Variants in C9orf40 observed in about 807,000 individuals in gnomAD.
C9orf40 encodes uncharacterized protein C9orf40.
C9orf40 carries 2 observed loss-of-function variants against 7.9 expected under a neutral mutation model. The ratio of observed to expected loss-of-function variants is 0.25; its 90% CI spans 0.10 to 0.80. C9orf40 has a LOEUF of 0.80. C9orf40 is among the 30% of genes least tolerant of loss of function. C9orf40 has a pLI of 0.68. For missense variants in C9orf40, 256 were observed against 268.5 expected (o/e 0.95, Z 0.33); for synonymous variants, 113 against 117.6 (o/e 0.96, Z 0.25).
At chr9:74,950,487 T>A (rs1832284197) in intron 1 of C9orf40, among the ~76,000 whole-genome samples, 2 of 152,100 alleles carry the variant, frequency 1.3e-5, no homozygotes, top group South Asian at 4.1e-4. Flanking sequence ...CCATATCCAT[T>A]ATGGATGGAT....
chr9:74,949,515 C>T (rs1366107914), intron 1 of C9orf40, among the ~76,000 whole-genome samples: 1 of 152,104 alleles, frequency 6.6e-6, no homozygotes, highest in Admixed American at 6.5e-5. Context: ...ACAGGAAATA[C>T]CCTGAAGTTC....
intron 1 of C9orf40, among the ~76,000 whole-genome samples, chr9:74,951,787 C>A (rs1279334169): frequency 1.3e-5 from 2 of 152,228 alleles, no homozygotes; most frequent in Admixed American, 6.5e-5. Context: ...CTAGACTAAT[C>A]ATCGTTAAAC....
chr9:74,946,776 C>T lies in C9orf40; in HGVS notation c.*1272G>A, dbSNP rs1265678673. On this transcript the variant is annotated 3_prime_UTR_variant, in exon 2 of 2. Coordinates refer to ENST00000376854, the MANE Select transcript of C9orf40 (RefSeq NM_017998.3). Reference sequence around the variant, plus strand: ...ATTAATGTCAACCCATTCTTAAATCCTTCATTACACAAAAAAAATCAAGTT... The same window carrying T: ...ATTAATGTCAACCCATTCTTAAATCTTTCATTACACAAAAAAAATCAAGTT... The T allele has an allele frequency of 6.6e-6, 1 of 152,026 alleles. No individual in the cohort carries two copies. Among genetic ancestry groups the T allele is most frequent in the Non-Finnish European group, 1.5e-5 (1 of 67,978 alleles). 9.4% of individuals were successfully genotyped at this position (152,026 alleles called of 1,614,324 possible).
In C9orf40 at chr9:74,947,014, T is replaced by G. The variant is rs1377606503; in HGVS notation, c.*1034A>C. ...AATGAAATAGTAATAACACAATAATTCAGTTGTAACAAAGCCACCAACAGA... is the reference window on the plus strand; with the variant it reads ...AATGAAATAGTAATAACACAATAATGCAGTTGTAACAAAGCCACCAACAGA... On this transcript the variant is annotated 3_prime_UTR_variant, in exon 2 of 2. Transcript: ENST00000376854. 3 of 152,168 alleles carry G rather than the reference T, an allele frequency of 2.0e-5. No homozygotes were observed. The highest frequency in any genetic ancestry group is 6.5e-5 in the Admixed American group (1 of 15,276). 9.4% of individuals were successfully genotyped at this position (152,168 alleles called of 1,614,324 possible).
At chr9:74,949,146 A>G (rs1315871274) in intron 1 of C9orf40, among the ~76,000 whole-genome samples, 1 of 152,210 alleles carries the variant, frequency 6.6e-6, no homozygotes, top group Admixed American at 6.5e-5. Context: ...TTGGCATAGT[A>G]ATTGCTCAAT....
chr9:74,948,316 T>G, intron 1 of C9orf40, 110 bp from the exon 2 acceptor site: 1 of 651,024 alleles, frequency 1.5e-6, no homozygotes. Context: ...TTTTGTAATC[T>G]TCTATTTTGT....
Position 74,952,608 on chromosome 9 carries a change from C to T in C9orf40, c.4G>A (p.Ala2Thr). Residue 2 changes from alanine (A) to threonine (T), a missense_variant, in exon 1 of 2, where the codon GCC becomes ACC. Ala to Thr is a moderately conservative substitution (Grantham distance 58). Coordinates refer to ENST00000376854, the MANE Select transcript of C9orf40 (RefSeq NM_017998.3). The surrounding 1 kb of genome is among the most constrained non-coding windows in gnomAD (Gnocchi z 5.4). ...ACCGGCTCGGCCGCACGCCGCTTGG[C>T]CATGGGCCCAGAGGCTCGGGCGGAG... M[A>T]KRRAAEPVTF... is the part of the protein sequence containing the mutation. 3 of 1,562,620 alleles carry T rather than the reference C, an allele frequency of 1.9e-6. No individual in the cohort carries two copies. Among genetic ancestry groups the T allele is most frequent in the Non-Finnish European group, 2.6e-6 (3 of 1,164,842 alleles).
intron 1 of C9orf40, among the ~76,000 whole-genome samples, chr9:74,950,337 T>C (rs1832283002): frequency 6.6e-6 from 1 of 152,232 alleles, no homozygotes; most frequent in Admixed American, 6.5e-5. Context: ...GCCATTTCCA[T>C]ATTTCCCTCT....
chr9:74,950,314 C>T (rs1035183088), intron 1 of C9orf40, among the ~76,000 whole-genome samples: 1 of 152,216 alleles, frequency 6.6e-6, no homozygotes, highest in Non-Finnish European at 1.5e-5. Flanking sequence ...AGAACTCTTA[C>T]GCTTTGCCTA....
Position 74,949,988 on chromosome 9 carries a change from A to C in C9orf40, c.427-1782T>G, listed in dbSNP as rs1587635516. Among the ~76,000 whole-genome samples the C allele has an allele frequency of 2.0e-5, 3 of 152,032 alleles. No individual in the cohort carries two copies. The East Asian group carries it at 5.8e-4, about 29-fold the overall frequency. On this transcript the variant is annotated intron_variant, in intron 1 of 1. Transcript: ENST00000376854. ...CATGGCAAAACCCCATCTCCACAAA[A>C]AAAAAAAAATTAGTCCAGCGTGGTG... is the stretch of plus-strand genomic sequence containing the variant.
rs578041416 is a variant in C9orf40, at chr9:74,947,815, T to C, written c.*233A>G. 2.4e-5 allele frequency: 8 copies of C among 333,294 alleles called. No homozygotes were observed. Among genetic ancestry groups the C allele is most frequent in the African/African-American group, 1.7e-4 (8 of 47,216 alleles). 20.6% of individuals were successfully genotyped at this position (333,294 alleles called of 1,614,324 possible). On this transcript the variant is annotated 3_prime_UTR_variant, in exon 2 of 2. Coordinates refer to ENST00000376854, the MANE Select transcript of C9orf40 (RefSeq NM_017998.3). ...AGAATTTAAACAAAACTTTTTGCTC[T>C]AAGAATGCATACATAAAATACTTCC...
rs1482588682 is a variant in C9orf40 at position 74,947,697 on chromosome 9, T to C, written c.*351A>G. 6.0e-6 allele frequency: 1 copy of C among 167,072 alleles called. No homozygotes were observed. The highest frequency in any genetic ancestry group is 2.4e-5 in the African/African-American group (1 of 42,026). 10.3% of individuals were successfully genotyped at this position (167,072 alleles called of 1,614,324 possible). The stretch of plus-strand genomic sequence containing the variant: ...TTCATTTTATATACCACAAATAAAC[T>C]TTTTGGTGCAGATAGGAGGAATATT... On this transcript the variant is annotated 3_prime_UTR_variant, in exon 2 of 2. Coordinates refer to ENST00000376854, the MANE Select transcript of C9orf40 (RefSeq NM_017998.3).
chr9:74,951,852 C>G (rs995233108), intron 1 of C9orf40, among the ~76,000 whole-genome samples: 2 of 152,242 alleles, frequency 1.3e-5, no homozygotes, highest in Non-Finnish European at 1.5e-5. Flanking sequence ...TGAACCTATG[C>G]CCTGACGGTC....
chr9:74,947,661 A>G lies in C9orf40; in HGVS notation c.*387T>C, dbSNP rs1453071947. On this transcript the variant is annotated 3_prime_UTR_variant, in exon 2 of 2. Coordinates refer to ENST00000376854, the MANE Select transcript of C9orf40 (RefSeq NM_017998.3). ...GAAAGTACTTTATTAACAAGTTATTATAAAACAATATTCATTTTATATACC... is the reference window on the plus strand; with the variant it reads ...GAAAGTACTTTATTAACAAGTTATTGTAAAACAATATTCATTTTATATACC... The G allele has an allele frequency of 6.4e-6, 1 of 156,858 alleles. No individual in the cohort carries two copies. The highest frequency in any genetic ancestry group is 2.4e-5 in the African/African-American group (1 of 41,602). 9.7% of individuals were successfully genotyped at this position (156,858 alleles called of 1,614,324 possible).
In C9orf40 at chr9:74,947,961, G is replaced by T; in HGVS notation, c.*87C>A. On this transcript the variant is annotated 3_prime_UTR_variant, in exon 2 of 2. Transcript: ENST00000376854. ...GGTTTGGAAATATAACTTCAAGTAT[G>T]GAAAATAACTTTTCCCTTAAGAATA... 7.5e-7 allele frequency: 1 copy of T among 1,328,108 alleles called. No homozygotes were observed. The highest frequency in any genetic ancestry group is 1.0e-6 in the Non-Finnish European group (1 of 960,560). 82.3% of individuals were successfully genotyped at this position (1,328,108 alleles called of 1,614,324 possible). A position where few individuals can be genotyped will look rare whatever the true frequency, so the allele number is the denominator to read the frequency against.
Position 74,952,837 on chromosome 9 carries a change from T to G in C9orf40, c.-226A>C. 1 of 488,848 alleles carries G rather than the reference T, an allele frequency of 2.0e-6. No individual in the cohort carries two copies. Among genetic ancestry groups the G allele is most frequent in the South Asian group, 3.2e-5 (1 of 31,266 alleles). 30.3% of individuals were successfully genotyped at this position (488,848 alleles called of 1,614,324 possible). On this transcript the variant is annotated 5_prime_UTR_variant, in exon 1 of 2. Coordinates refer to ENST00000376854, the MANE Select transcript of C9orf40 (RefSeq NM_017998.3). The surrounding 1 kb of genome is among the most constrained non-coding windows in gnomAD (Gnocchi z 5.4). ...CGCTCAGCCCTCGCCGCCGCCGAGA[T>G]GCGGCCCGGACGTTGAGAAGCAACC... is the stretch of plus-strand genomic sequence containing the variant.
rs1256802364 is a variant in C9orf40 at position 74,949,120 on chromosome 9, T to C, written c.427-914A>G. On this transcript the variant is annotated intron_variant, in intron 1 of 1. Coordinates refer to ENST00000376854, the MANE Select transcript of C9orf40 (RefSeq NM_017998.3). Reference sequence around the variant, plus strand: ...ACCTTATTGATAAAATGGAGGACTGTTGTAAAAATTCAGGCTTGGCATAGT... The same window carrying C: ...ACCTTATTGATAAAATGGAGGACTGCTGTAAAAATTCAGGCTTGGCATAGT... 3.3e-5 allele frequency among the ~76,000 whole-genome samples: 5 copies of C among 152,356 alleles called. 1 individual carries two copies. Among genetic ancestry groups the C allele is most frequent in the Middle Eastern group, 3.4e-3 (1 of 294 alleles).
Position 74,952,310 on chromosome 9 carries a change from G to A in C9orf40, c.302C>T (p.Pro101Leu). 2.2e-6 allele frequency: 3 copies of A among 1,375,926 alleles called. No individual in the cohort carries two copies. Among genetic ancestry groups the A allele is most frequent in the Non-Finnish European group, 2.8e-6 (3 of 1,066,340 alleles). The allele number at this position is 1,375,926 out of a possible 1,614,324, so 85.2% of individuals were successfully genotyped here. The change falls in exon 1 of 2, where the codon CCG (proline) becomes CTG (leucine). Residue 101 changes from proline (P) to leucine (L), a missense_variant. Pro to Leu is a moderately conservative substitution (Grantham distance 98). Coordinates refer to ENST00000376854, the MANE Select transcript of C9orf40 (RefSeq NM_017998.3). The surrounding 1 kb of genome is among the most constrained non-coding windows in gnomAD (Gnocchi z 5.4). ...CCCCGGCCCCGGCAGTACGGGCGGC[G>A]GCGGCAGCGGCGGATCGCCTGTCTC... ...GLETGDPPLP[P>L]PPVLPGPGEE...
chr9:74,952,695 G>A lies in C9orf40; in HGVS notation c.-84C>T, dbSNP rs1032288723. 8 of 1,296,482 alleles carry A rather than the reference G, an allele frequency of 6.2e-6. No homozygotes were observed. Among genetic ancestry groups the A allele is most frequent in the African/African-American group, 6.1e-5 (4 of 65,446 alleles). 80.3% of individuals were successfully genotyped at this position (1,296,482 alleles called of 1,614,324 possible). Reference sequence around the variant, plus strand: ...GGGGGGCGAAGAGCGAGGACTGAGCGCGTGAGAGAGGGACAGGCCGAAGTC... The same window carrying A: ...GGGGGGCGAAGAGCGAGGACTGAGCACGTGAGAGAGGGACAGGCCGAAGTC... On this transcript the variant is annotated 5_prime_UTR_variant, in exon 1 of 2. Transcript: ENST00000376854. The surrounding 1 kb of genome is among the most constrained non-coding windows in gnomAD (Gnocchi z 5.4).
Sources: gnomAD v4.1 joint callset for allele counts (sites outside exome capture counted in the v4.1 genomes callset) on GRCh38, gnomAD v4.1.1 for gene constraint, Gnocchi (gnomAD v3.1) non-coding constraint, MANE v1.5 for transcripts, NCBI Gene and HGNC (gene_info 2026-07-23, HGNC 2026-07-21) for gene names.